Variants in BPIFC observed in about 807,000 individuals in gnomAD.
BPIFC encodes BPI fold containing family C, also known as BPI fold-containing family C protein.
In BPIFC, 60 loss-of-function variants were observed where a neutral mutation model predicts 57.6. That is an observed-to-expected ratio of 1.04 (90% CI 0.85 to 1.29). The LOEUF (loss-of-function observed/expected upper bound fraction) is 1.29. Ranked by LOEUF, BPIFC falls within the 50% of genes most tolerant of loss-of-function variation. The pLI, the probability that BPIFC is intolerant of heterozygous loss-of-function variation, is 0.00. For missense variants in BPIFC, 581 were observed against 600.5 expected, an observed-to-expected ratio of 0.97 and a Z score of 0.34; for synonymous variants, 243 against 224.5, an observed-to-expected ratio of 1.08 and a Z score of -0.74.
At chr22:32,435,575 T>G in intron 10 of BPIFC, 129 bp downstream of exon 10, 1 of 892,426 alleles carries the variant, frequency 1.1e-6, no homozygotes, top group Non-Finnish European at 1.7e-6. Context: ...ATTCCTTCAC[T>G]GTCTTGCTGG....
chr22:32,441,367 T>C (rs1934559831), intron 8 of BPIFC, among the ~76,000 whole-genome samples: 1 of 152,182 alleles, frequency 6.6e-6, no homozygotes, highest in Admixed American at 6.5e-5. Flanking sequence ...AGATTTTACT[T>C]GTTTATCTTG....
At chr22:32,420,998 A>G (rs994961888) in intron 13 of BPIFC, among the ~76,000 whole-genome samples, 1 of 152,246 alleles carries the variant, frequency 6.6e-6, no homozygotes, top group African/African-American at 2.4e-5. Context: ...AAATGCTAAC[A>G]GTTATAACAG....
chr22:32,443,639 C>T (rs1297874591), intron 7 of BPIFC, among the ~76,000 whole-genome samples: 2 of 152,160 alleles, frequency 1.3e-5, no homozygotes, highest in East Asian at 3.8e-4. Context: ...CTTGTGTGCT[C>T]ATTGATGTGC....
At chr22:32,438,665 T>G (rs62241171) in intron 8 of BPIFC, among the ~76,000 whole-genome samples, 14,463 of 152,248 alleles carry the variant, frequency 0.095, 936 homozygotes, top group Non-Finnish European at 0.15. Context: ...GTACGGGGAT[T>G]ACAGGAGTGA....
At chr22:32,445,772 C>T in intron 6 of BPIFC, 69 bp downstream of exon 6, 2 of 1,432,512 alleles carry the variant, frequency 1.4e-6, no homozygotes, top group South Asian at 2.4e-5. Context: ...CATTTGTAAA[C>T]CTTCCCTAGG....
intron 7 of BPIFC, 65 bp from the exon 8 acceptor site, chr22:32,442,796 G>A: frequency 6.8e-7 from 1 of 1,475,144 alleles, no homozygotes; most frequent in Non-Finnish European, 9.4e-7. Flanking sequence ...CCTTATTGAT[G>A]GGCCTAGACC....
chr22:32,443,131 C>T (rs1934613471), intron 7 of BPIFC, among the ~76,000 whole-genome samples: 1 of 151,378 alleles, frequency 6.6e-6, no homozygotes. Flanking sequence ...GGAGCGGTTG[C>T]ATGCCCTACC....
chr22:32,443,835 T>C (rs1240724379), intron 7 of BPIFC, among the ~76,000 whole-genome samples: 1 of 152,212 alleles, frequency 6.6e-6, no homozygotes, highest in Non-Finnish European at 1.5e-5. Context: ...GCCCAGCTTA[T>C]AGTAAGCATT....
chr22:32,456,278 C>CTGTT, intron 3 of BPIFC, among the ~76,000 whole-genome samples: 1 of 152,312 alleles, frequency 6.6e-6, no homozygotes, highest in East Asian at 1.9e-4. Flanking sequence ...CTACACACAC[C>CTGTT]ATTGTCCACA....
chr22:32,455,355 T>C (rs922281492), intron 3 of BPIFC, among the ~76,000 whole-genome samples: 1 of 152,078 alleles, frequency 6.6e-6, no homozygotes. Context: ...GGCCTTCCAT[T>C]TAAAAAAATA....
chr22:32,436,206 A>C (rs1328115669), intron 9 of BPIFC, among the ~76,000 whole-genome samples: 1 of 152,128 alleles, frequency 6.6e-6, no homozygotes, highest in Non-Finnish European at 1.5e-5. Flanking sequence ...AGTGAGGTGA[A>C]TCCCTTGAAC....
At chr22:32,441,607 T>G (rs1389930678) in intron 8 of BPIFC, among the ~76,000 whole-genome samples, 1 of 152,120 alleles carries the variant, frequency 6.6e-6, no homozygotes, top group Non-Finnish European at 1.5e-5. Context: ...TAAGGTTTCC[T>G]GGAAGAGGCT....
At chr22:32,423,170 C>T (rs531513074) in intron 13 of BPIFC, among the ~76,000 whole-genome samples, 6 of 152,238 alleles carry the variant, frequency 3.9e-5, no homozygotes, top group South Asian at 2.1e-4. Flanking sequence ...AAACCTCAGA[C>T]GGTGGATTTA....
chr22:32,439,220 G>A (rs1934495061), intron 8 of BPIFC, among the ~76,000 whole-genome samples: 1 of 152,118 alleles, frequency 6.6e-6, no homozygotes, highest in Non-Finnish European at 1.5e-5. Context: ...AGCTACTTGG[G>A]AGGCTGAGGC....
At chr22:32,432,658 A>T in intron 11 of BPIFC, 115 bp from the exon 12 acceptor site, 2 of 993,216 alleles carry the variant, frequency 2.0e-6, no homozygotes, top group South Asian at 1.8e-5. Flanking sequence ...TTAGAATAGA[A>T]AAAAAGCTCT....
chr22:32,444,930 G>C (rs1284585887), intron 7 of BPIFC, among the ~76,000 whole-genome samples: 1 of 152,170 alleles, frequency 6.6e-6, no homozygotes, highest in Non-Finnish European at 1.5e-5. Context: ...GCCCGAGTTT[G>C]AGCTTTTGAA....
rs752425261 is a variant in BPIFC at position 32,433,711 on chromosome 22, G to C, written c.978+8C>G. 2.5e-6 allele frequency: 4 copies of C among 1,613,244 alleles called. No individual in the cohort carries two copies. Among genetic ancestry groups the C allele is most frequent in the Non-Finnish European group, 8.5e-7 (1 of 1,179,384 alleles). ...TACACTATCAAGACTCAAACCCTGA[G>C]CACTTACCCGGGAGAGCACGTTGCC... On this transcript the variant is annotated splice_region_variant and intron_variant, in intron 11 of 16. Transcript: ENST00000300399.
intron 13 of BPIFC, among the ~76,000 whole-genome samples, chr22:32,419,850 CA>C (rs1300639312): frequency 3.4e-5 from 5 of 147,002 alleles, no homozygotes; most frequent in East Asian, 2.0e-4. Context: ...CACACACACA[CA>C]AATAAAACTG....
Position 32,424,683 on chromosome 22 carries a change from CT to C in BPIFC, c.1218-5280del, listed in dbSNP as rs1430633642. 4.1e-4 allele frequency among the ~76,000 whole-genome samples: 40 copies of C among 96,696 alleles called. 4 individuals carry two copies. Among genetic ancestry groups the C allele is most frequent in the Non-Finnish European group, 6.1e-4 (32 of 52,820 alleles). The allele number at this position is 96,696 out of a possible 152,430, so 63.4% of individuals were successfully genotyped here. On this transcript the variant is annotated intron_variant, in intron 13 of 16. Coordinates refer to ENST00000300399, the MANE Select transcript of BPIFC (RefSeq NM_174932.3). ...TCTTCTTCTTCTTCTTCTTCTTCTT[CT>C]TCTTCTTCCTCTTCTTCTTCCTCTT... is the stretch of plus-strand genomic sequence containing the variant.
Sources: allele counts gnomAD v4.1 joint callset (sites outside exome capture counted in the v4.1 genomes callset), GRCh38; gene constraint gnomAD v4.1.1; transcripts MANE v1.5; gene names NCBI Gene and HGNC (gene_info 2026-07-23, HGNC 2026-07-21).